The following GRIP1 variants were observed in gnomAD, a reference collection of about 807,000 sequenced individuals.
The protein encoded by GRIP1 is glutamate receptor interacting protein 1, also known as glutamate receptor-interacting protein 1.
In GRIP1, 45 loss-of-function variants were observed where a neutral mutation model predicts 129.9. The observed-to-expected ratio is 0.35, with a 90% confidence interval of 0.27 to 0.44. GRIP1 has a LOEUF of 0.44. Among genes scored for constraint, GRIP1 ranks in the 20% least tolerant of loss-of-function variants. The pLI is 1.00. For synonymous variants in GRIP1, 530 were observed against 520.8 expected, an observed-to-expected ratio of 1.02 and a Z score of -0.24; for missense variants, 1,196 against 1,396.8, an observed-to-expected ratio of 0.86 and a Z score of 2.29.
intron 1 of GRIP1, among the ~76,000 whole-genome samples, chr12:66,823,061 AC>A (rs1490613202): frequency 1.3e-5 from 2 of 152,192 alleles, no homozygotes; most frequent in African/African-American, 4.8e-5. Flanking sequence ...CTGAAAACAG[AC>A]CTAGTAATTA....
chr12:66,478,888 G>A (rs2059709141), intron 7 of GRIP1, among the ~76,000 whole-genome samples: 1 of 152,148 alleles, frequency 6.6e-6, no homozygotes, highest in Non-Finnish European at 1.5e-5. Flanking sequence ...ATGGGGTGCA[G>A]CAATGGGGGA....
Position 66,455,486 on chromosome 12 carries a change from G to A in GRIP1, c.1277C>T (p.Pro426Leu). 6.2e-7 allele frequency: 1 copy of A among 1,613,694 alleles called. No individual in the cohort carries two copies. Among genetic ancestry groups the A allele is most frequent in the Non-Finnish European group, 8.5e-7 (1 of 1,179,586 alleles). The change falls in exon 11 of 25, where the codon CCT becomes CTT. Residue 426 changes from proline to leucine, a missense_variant. Transcript: ENST00000359742. The part of the protein sequence containing the change: ...SLSSLNMGTL[P>L]RSLYSTSPRG... ...TGGGCTGGTGGAGTAGAGGCTTCGA[G>A]GTAGAGTCCCCATGTTCAGGGAACT...
At chr12:66,813,148 G>C (rs1232103625) in intron 1 of GRIP1, among the ~76,000 whole-genome samples, 2 of 152,162 alleles carry the variant, frequency 1.3e-5, no homozygotes, top group Non-Finnish European at 2.9e-5. Context: ...TGTGGTAAAG[G>C]CATCTGCTTC....
intron 1 of GRIP1, among the ~76,000 whole-genome samples, chr12:66,602,600 T>A (rs564836751): frequency 3.5e-4 from 53 of 152,204 alleles, no homozygotes; most frequent in African/African-American, 1.0e-3. Flanking sequence ...TCCATACAGC[T>A]AAGTTTACAC....
chr12:66,431,271 C>T (rs1473571232), intron 14 of GRIP1, among the ~76,000 whole-genome samples: 1 of 152,122 alleles, frequency 6.6e-6, no homozygotes, highest in African/African-American at 2.4e-5. Flanking sequence ...GAATAAATGA[C>T]TTTAGGAGCA....
At chr12:66,423,501 G>A (rs2057880117) in intron 14 of GRIP1, among the ~76,000 whole-genome samples, 1 of 152,194 alleles carries the variant, frequency 6.6e-6, no homozygotes, top group African/African-American at 2.4e-5. Flanking sequence ...AAGCTTCTGA[G>A]TTTGTGACCC....
chr12:66,507,192 A>C (rs1003430156), intron 7 of GRIP1, among the ~76,000 whole-genome samples: 3 of 152,158 alleles, frequency 2.0e-5, no homozygotes, highest in African/African-American at 7.2e-5. Flanking sequence ...TAATCCCAGC[A>C]CTTTGGGAGG....
intron 1 of GRIP1, among the ~76,000 whole-genome samples, chr12:67,056,967 C>T (rs141284073): frequency 0.074 from 11,223 of 152,086 alleles, 578 homozygotes; most frequent in Non-Finnish European, 0.11. Context: ...CCCAACACCA[C>T]GCCTGGCTAA....
intron 1 of GRIP1, among the ~76,000 whole-genome samples, chr12:66,635,466 G>A (rs1388556800): frequency 1.3e-5 from 2 of 151,660 alleles, no homozygotes; most frequent in Admixed American, 6.6e-5. Context: ...AAATTTATAC[G>A]TTACATTTTA....
rs141923622 is a variant in GRIP1, at chr12:66,515,699, G to C, written c.644C>G (p.Thr215Arg). The part of the protein sequence containing the change: ...SVDGIRLLGT[T>R]HAEAMSILKQ... ...AAGAATACTCATGGCTTCAGCATGC[G>C]TAGTTCCAAGAAGCCGAATTCCATC... The change falls in exon 7 of 25, where the codon ACG (threonine) becomes AGG (arginine). Residue 215 changes from threonine to arginine, a missense_variant. Transcript: ENST00000359742. 6 of 1,613,250 alleles carry C rather than the reference G, an allele frequency of 3.7e-6. No homozygotes were observed. The East Asian group carries it at 1.3e-4, about 36-fold the overall frequency.
chr12:67,051,357 C>T (rs915355254), intron 1 of GRIP1, among the ~76,000 whole-genome samples: 1 of 148,618 alleles, frequency 6.7e-6, no homozygotes, highest in African/African-American at 2.4e-5. Flanking sequence ...TTAATGTCCA[C>T]TATGATAGAA....
intron 7 of GRIP1, among the ~76,000 whole-genome samples, chr12:66,487,846 A>G (rs1477321676): frequency 2.6e-5 from 4 of 151,782 alleles, no homozygotes; most frequent in Admixed American, 2.6e-4. Flanking sequence ...AGCTTTTGAC[A>G]AAACAGACTT....
At chr12:66,865,621 ATC>A (rs2040191770) in intron 1 of GRIP1, among the ~76,000 whole-genome samples, 2 of 151,744 alleles carry the variant, frequency 1.3e-5, no homozygotes, top group Non-Finnish European at 2.9e-5. Flanking sequence ...CCATCCATCC[ATC>A]CAACCATCCA....
At position 66,730,409 on chromosome 12, in the gene GRIP1, A is replaced by C. The variant is rs146823895; in HGVS notation, c.-420+73644T>G. 3.3e-3 allele frequency among the ~76,000 whole-genome samples: 503 copies of C among 152,290 alleles called. 4 individuals are homozygous for C. The highest frequency in any genetic ancestry group is 0.012 in the African/African-American group (481 of 41,564). ...TTGTGTGTATGTAGCTTACTTAAAA[A>C]TTCTAGGAGCAGGAACAATGGTTGA... is the stretch of plus-strand genomic sequence containing the variant. On this transcript the variant is annotated intron_variant, in intron 1 of 4. Coordinates refer to the GRIP1 transcript ENST00000538373.
intron 1 of GRIP1, among the ~76,000 whole-genome samples, chr12:66,636,138 G>A (rs937249219): frequency 6.6e-6 from 1 of 152,184 alleles, no homozygotes; most frequent in African/African-American, 2.4e-5. Context: ...ATTATGCTAA[G>A]TGAAATAAGC....
chr12:66,797,736 C>T (rs1022003933), intron 1 of GRIP1, among the ~76,000 whole-genome samples: 1 of 152,120 alleles, frequency 6.6e-6, no homozygotes, highest in East Asian at 1.9e-4. Context: ...AACCTAGAGA[C>T]CTTAAGGACT....
At chr12:67,054,384 T>C (rs1367460768) in intron 1 of GRIP1, among the ~76,000 whole-genome samples, 1 of 152,146 alleles carries the variant, frequency 6.6e-6, no homozygotes, top group Non-Finnish European at 1.5e-5. Context: ...TGGCTTCCAT[T>C]AACAATAAAC....
chr12:66,914,409 T>C (rs2041085313), intron 1 of GRIP1, among the ~76,000 whole-genome samples: 1 of 152,228 alleles, frequency 6.6e-6, no homozygotes, highest in African/African-American at 2.4e-5. Context: ...TTATTGCAAA[T>C]TTTACTTGCA....
At chr12:66,733,289 T>C (rs959940561) in intron 1 of GRIP1, among the ~76,000 whole-genome samples, 1 of 152,184 alleles carries the variant, frequency 6.6e-6, no homozygotes, top group African/African-American at 2.4e-5. Flanking sequence ...ATCCCTTTTC[T>C]TTTTTTCTAA....
Sources: gnomAD v4.1 joint callset for allele counts (sites outside exome capture counted in the v4.1 genomes callset) on GRCh38, gnomAD v4.1.1 for gene constraint, MANE v1.5 for transcripts, NCBI Gene and HGNC (gene_info 2026-07-23, HGNC 2026-07-21) for gene names.